Variants in SYNE3 observed in about 807,000 individuals in gnomAD.
SYNE3 encodes the protein nesprin-3.
SYNE3 carries 100 observed loss-of-function variants against 111.2 expected under a neutral mutation model. The observed-to-expected ratio is 0.90, with a 90% CI of 0.77 to 1.06. The LOEUF (loss-of-function observed/expected upper bound fraction) is 1.06. Among genes scored for constraint, SYNE3 ranks in the 50% least tolerant of loss-of-function variants. The probability of loss-of-function intolerance (pLI) is 0.00; values close to 1 mark genes in which losing one functional copy is unlikely to be tolerated. For missense variants in SYNE3, 1,160 were observed against 1,240.3 expected (o/e 0.94, Z 0.97); for synonymous variants, 547 against 533.9 (o/e 1.02, Z -0.34).
rs540084193 is a variant in SYNE3 at position 95,508,193 on chromosome 14, C to G, written c.-15+8403G>C. On this transcript the variant is annotated intron_variant, in intron 1 of 17. Coordinates refer to ENST00000682763, the MANE Select transcript of SYNE3 (RefSeq NM_152592.6). ...TAGCTGAGGGTGGGTTACTTAACCT[C>G]TCTGCCAAATGGTAACAACATCAGA... 3.9e-5 allele frequency among the ~76,000 whole-genome samples: 6 copies of G among 152,336 alleles called. No homozygotes were observed. In the East Asian group the frequency reaches 1.2e-3, roughly 29 times the overall value.
At chr14:95,461,456 T>A (rs1292229376) in intron 4 of SYNE3, among the ~76,000 whole-genome samples, 1 of 152,244 alleles carries the variant, frequency 6.6e-6, no homozygotes, top group Non-Finnish European at 1.5e-5. Context: ...TGCTCCCCTC[T>A]GGGCTTAGCC....
intron 6 of SYNE3, among the ~76,000 whole-genome samples, chr14:95,454,758 C>T (rs1447110645): frequency 3.3e-5 from 5 of 152,196 alleles, no homozygotes; most frequent in Admixed American, 1.3e-4. Context: ...CTCATGAAGT[C>T]GTGATCCTGA....
At chr14:95,497,859 A>T (rs72692796) in intron 1 of SYNE3, among the ~76,000 whole-genome samples, 12,303 of 152,134 alleles carry the variant, frequency 0.081, 565 homozygotes, top group Non-Finnish European at 0.083. Flanking sequence ...ACTGTCAAAA[A>T]AAGATGAAGA....
intron 1 of SYNE3, among the ~76,000 whole-genome samples, chr14:95,479,827 G>A (rs376619301): frequency 7.2e-5 from 11 of 152,320 alleles, no homozygotes; most frequent in South Asian, 2.1e-4. Flanking sequence ...AGCTGGCAAG[G>A]GTTAGGCATT....
chr14:95,420,291 C>T (rs1285161619), intron 17 of SYNE3, among the ~76,000 whole-genome samples: 1 of 151,970 alleles, frequency 6.6e-6, no homozygotes, highest in African/African-American at 2.4e-5. Flanking sequence ...TTGGGTGGGG[C>T]CAAATCTCTG....
chr14:95,467,060 G>A (rs1319514763), intron 3 of SYNE3, among the ~76,000 whole-genome samples: 1 of 152,200 alleles, frequency 6.6e-6, no homozygotes, highest in African/African-American at 2.4e-5. Context: ...CTAACATGGA[G>A]GTGGCTCTAT....
intron 2 of SYNE3, among the ~76,000 whole-genome samples, chr14:95,469,155 T>C (rs1050704414): frequency 6.6e-6 from 1 of 152,100 alleles, no homozygotes; most frequent in Non-Finnish European, 1.5e-5. Context: ...CAAGCTCAGA[T>C]CCCCAGCCCG....
At chr14:95,434,712 C>T (rs1885986512) in intron 15 of SYNE3, among the ~76,000 whole-genome samples, 1 of 152,204 alleles carries the variant, frequency 6.6e-6, no homozygotes, top group African/African-American at 2.4e-5. Context: ...GGCTGGAGTG[C>T]AATGGCGCGA....
intron 15 of SYNE3, among the ~76,000 whole-genome samples, chr14:95,434,387 G>A (rs1429503221): frequency 1.3e-5 from 2 of 152,132 alleles, no homozygotes; most frequent in African/African-American, 4.8e-5. Context: ...CTGGGCTGGG[G>A]AGACAAAGGC....
At chr14:95,489,989 G>A (rs368050197) in intron 1 of SYNE3, among the ~76,000 whole-genome samples, 4 of 152,320 alleles carry the variant, frequency 2.6e-5, no homozygotes, top group East Asian at 1.9e-4. Context: ...GGGCTCCACC[G>A]CCAACTTGCT....
chr14:95,451,259 T>C (rs923195614), intron 7 of SYNE3: 9 of 152,338 alleles, frequency 5.9e-5, no homozygotes, highest in African/African-American at 2.2e-4. Context: ...AGATAAATTA[T>C]GGAGACCCTA....
At chr14:95,456,811 G>A (rs1460325689) in intron 5 of SYNE3, among the ~76,000 whole-genome samples, 5 of 152,140 alleles carry the variant, frequency 3.3e-5, no homozygotes, top group Non-Finnish European at 7.3e-5. Flanking sequence ...AGGTCAGGGT[G>A]TGGTGGCTCA....
At chr14:95,476,098 T>C (rs552852809) in intron 1 of SYNE3, among the ~76,000 whole-genome samples, 16 of 152,364 alleles carry the variant, frequency 1.1e-4, no homozygotes, top group Middle Eastern at 3.4e-3. Context: ...GGTTCCCTGC[T>C]TCCTCTTCTC....
Position 95,500,985 on chromosome 14 carries a change from G to C in SYNE3, c.-15+15611C>G, listed in dbSNP as rs1890313831. On this transcript the variant is annotated intron_variant, in intron 1 of 17. Transcript: ENST00000682763. This position sits in a 1 kb window ranked among gnomAD's most constrained non-coding sequence, Gnocchi z 4.7. ...CCTCTCAGACAATACTGGCTTTAAT[G>C]AATTTCTCTAAAGGGACTGATGGTC... is the stretch of plus-strand genomic sequence containing the variant. Among the ~76,000 whole-genome samples, 1 of 152,210 alleles carries C rather than the reference G, an allele frequency of 6.6e-6. No homozygotes were observed. Among genetic ancestry groups the C allele is most frequent in the Non-Finnish European group, 1.5e-5 (1 of 68,038 alleles).
At chr14:95,439,873 G>T (rs763755134) in intron 12 of SYNE3, 41 bp downstream of exon 12, 17 of 1,598,902 alleles carry the variant, frequency 1.1e-5, no homozygotes, top group Middle Eastern at 1.7e-4. Context: ...GCCTGTCAAG[G>T]CTGCTTCTTT....
chr14:95,502,463 C>T (rs1890373644), intron 1 of SYNE3, among the ~76,000 whole-genome samples: 1 of 152,128 alleles, frequency 6.6e-6, no homozygotes, highest in African/African-American at 2.4e-5. Flanking sequence ...GGCTCCTAAT[C>T]ACAGCTGCCA....
At chr14:95,497,882 G>A (rs1021640753) in intron 1 of SYNE3, among the ~76,000 whole-genome samples, 1 of 152,126 alleles carries the variant, frequency 6.6e-6, no homozygotes, top group Non-Finnish European at 1.5e-5. Flanking sequence ...GAAGCCGGAT[G>A]CAGTGCCACG....
In SYNE3 at chr14:95,452,469, G is replaced by A. The variant is rs1012094036; in HGVS notation, c.1138-86C>T. Reference sequence around the variant, plus strand: ...GTGCAGGAGGGTGAGCGTGGCCAGTGGAGGTGGGCTAGGCTAGGAAGAAAC... The same window carrying A: ...GTGCAGGAGGGTGAGCGTGGCCAGTAGAGGTGGGCTAGGCTAGGAAGAAAC... On this transcript the variant is annotated intron_variant, in intron 6 of 17. Coordinates refer to ENST00000682763, the MANE Select transcript of SYNE3 (RefSeq NM_152592.6). 1.7e-5 allele frequency: 24 copies of A among 1,442,204 alleles called. No homozygotes were observed. In the African/African-American group the frequency reaches 3.4e-4, roughly 20 times the overall value. The allele number at this position is 1,442,204 out of a possible 1,614,324, so 89.3% of individuals were successfully genotyped here. A position where few individuals can be genotyped will look rare whatever the true frequency, so the allele number is the denominator to read the frequency against.
intron 1 of SYNE3, among the ~76,000 whole-genome samples, chr14:95,489,511 C>G (rs1445126970): frequency 6.6e-6 from 1 of 152,242 alleles, no homozygotes; most frequent in Non-Finnish European, 1.5e-5. Flanking sequence ...CACTTACTGA[C>G]ACACAGTAAG....
Sources: gnomAD v4.1 joint callset for allele counts (sites outside exome capture counted in the v4.1 genomes callset) on GRCh38, gnomAD v4.1.1 for gene constraint, Gnocchi (gnomAD v3.1) non-coding constraint, MANE v1.5 for transcripts, NCBI Gene and HGNC (gene_info 2026-07-23, HGNC 2026-07-21) for gene names.